COL28A1: variants seen among roughly 807,000 people sequenced by gnomAD.
COL28A1 encodes the protein collagen type XXVIII alpha 1 chain, also known as collagen alpha-1(XXVIII) chain.
Under a neutral mutation model 150.2 loss-of-function variants are expected in COL28A1, and 161 were observed. That is an observed-to-expected ratio of 1.07 (90% CI 0.94 to 1.22). The LOEUF (loss-of-function observed/expected upper bound fraction) is 1.22, where lower values mean the gene tolerates loss of function less well. Ranked by LOEUF, COL28A1 falls within the 50% of genes most tolerant of loss-of-function variation. The pLI is 0.00. For synonymous variants in COL28A1, 552 were observed against 469.7 expected, an observed-to-expected ratio of 1.18 and a Z score of -2.26; for missense variants, 1,617 against 1,388.3, an observed-to-expected ratio of 1.16 and a Z score of -2.62.
At chr7:7,447,276 C>T (rs1207118958) in intron 18 of COL28A1, among the ~76,000 whole-genome samples, 2 of 152,052 alleles carry the variant, frequency 1.3e-5, no homozygotes, top group African/African-American at 4.8e-5. Flanking sequence ...GTAAAATTCA[C>T]AATGTGGGGC....
chr7:7,491,899 G>T (rs1239206244), intron 11 of COL28A1, among the ~76,000 whole-genome samples: 1 of 152,098 alleles, frequency 6.6e-6, no homozygotes, highest in East Asian at 1.9e-4. Flanking sequence ...TAAAAAGCAT[G>T]CATGCAAAGA....
chr7:7,418,325 T>C (rs986108254), intron 26 of COL28A1, among the ~76,000 whole-genome samples: 4 of 152,186 alleles, frequency 2.6e-5, no homozygotes, highest in African/African-American at 7.2e-5. Flanking sequence ...CATTTCAATA[T>C]AAGGTGTGAT....
chr7:7,471,979 T>G (rs1788470743), intron 15 of COL28A1, among the ~76,000 whole-genome samples: 1 of 152,172 alleles, frequency 6.6e-6, no homozygotes, highest in Admixed American at 6.6e-5. Context: ...CATCCCTTTA[T>G]GATTAAAGCT....
chr7:7,427,756 G>A (rs1289020734), intron 25 of COL28A1, among the ~76,000 whole-genome samples: 1 of 152,114 alleles, frequency 6.6e-6, no homozygotes, highest in African/African-American at 2.4e-5. Flanking sequence ...TTTTGGGTTT[G>A]GGGTTTATGC....
intron 23 of COL28A1, among the ~76,000 whole-genome samples, chr7:7,434,300 G>T (rs998389150): frequency 6.6e-6 from 1 of 152,138 alleles, no homozygotes; most frequent in Non-Finnish European, 1.5e-5. Flanking sequence ...AGGTAAATTT[G>T]GGTGTATTCC....
Position 7,417,914 on chromosome 7 carries a change from T to C in COL28A1, c.2081A>G (p.Gln694Arg). ...GTQGPKGDTG[Q>R]KGLPGPPGPP... is the part of the protein sequence containing the mutation. ...GCCAGGAGGGCCAGGCAAGCCTTTC[T>C]GCCCAGTATCACCCTGTTAGAAGAT... The change falls in exon 27 of 35, where the codon CAG becomes CGG. Residue 694 changes from glutamine (Q) to arginine (R), a missense_variant. Gln to Arg is a conservative substitution (Grantham distance 43). Transcript: ENST00000399429. 6.2e-7 allele frequency: 1 copy of C among 1,612,982 alleles called. No individual in the cohort carries two copies. Among genetic ancestry groups the C allele is most frequent in the Non-Finnish European group, 8.5e-7 (1 of 1,179,490 alleles).
At chr7:7,431,429 A>T (rs1784964766) in intron 25 of COL28A1, 1 of 435,338 alleles carries the variant, frequency 2.3e-6, no homozygotes, top group Non-Finnish European at 4.8e-6. Context: ...TGGAAAACAT[A>T]CAGAGGGGTT....
intron 15 of COL28A1, among the ~76,000 whole-genome samples, chr7:7,462,490 G>A (rs940105430): frequency 2.0e-5 from 3 of 152,090 alleles, no homozygotes; most frequent in African/African-American, 4.8e-5. Context: ...GATACAAGAA[G>A]TGAAGGGAGA....
rs985365914 is a variant in COL28A1, at chr7:7,439,679, C to A, written c.1722+1111G>T. Among the ~76,000 whole-genome samples, 11 of 152,268 alleles carry A rather than the reference C, an allele frequency of 7.2e-5. No homozygotes were observed. In the East Asian group the frequency reaches 1.5e-3, roughly 21 times the overall value. On this transcript the variant is annotated intron_variant, in intron 21 of 34. Transcript: ENST00000399429. Reference sequence around the variant, plus strand: ...GAGTAACTAGGACATAAAGACTAATCTGTTATTAATACTAATACAACACAT... The same window carrying A: ...GAGTAACTAGGACATAAAGACTAATATGTTATTAATACTAATACAACACAT...
intron 15 of COL28A1, among the ~76,000 whole-genome samples, chr7:7,460,615 C>T (rs1787535746): frequency 6.6e-6 from 1 of 152,200 alleles, no homozygotes; most frequent in Non-Finnish European, 1.5e-5. Context: ...ATCTCCTGAC[C>T]TCGTGATCCG....
Position 7,520,150 on chromosome 7 carries a change from G to T in COL28A1, c.760-35C>A, listed in dbSNP as rs757888115. ...AAGGGAAAAAATATTATTTTAAGTA[G>T]GAATTCTATTGTTTTCTATACTTTA... On this transcript the variant is annotated intron_variant, in intron 5 of 34. Coordinates refer to ENST00000399429, the MANE Select transcript of COL28A1 (RefSeq NM_001037763.3). 8 of 947,408 alleles carry T rather than the reference G, an allele frequency of 8.4e-6. No individual in the cohort carries two copies. In the South Asian group the frequency reaches 1.1e-4, roughly 13 times the overall value. The allele number at this position is 947,408 out of a possible 1,614,324, so 58.7% of individuals were successfully genotyped here.
At chr7:7,536,587 G>A (rs936058463), upstream of COL28A1, among the ~76,000 whole-genome samples, 5 of 152,090 alleles carry the variant, frequency 3.3e-5, no homozygotes, top group Admixed American at 2.0e-4. Context: ...TTAAGTCAAT[G>A]TTTATCATGT....
At chr7:7,517,891 G>T in intron 6 of COL28A1, 54 bp from the exon 7 acceptor site, 1 of 1,605,368 alleles carries the variant, frequency 6.2e-7, no homozygotes, top group Non-Finnish European at 8.5e-7. Flanking sequence ...GTGACTGATT[G>T]CTCAATAAAA....
intron 25 of COL28A1, among the ~76,000 whole-genome samples, chr7:7,422,536 G>A (rs1784431471): frequency 6.6e-6 from 1 of 152,044 alleles, no homozygotes; most frequent in Non-Finnish European, 1.5e-5. Flanking sequence ...GGCTGAGGCG[G>A]GAGAATCACT....
chr7:7,477,181 C>A lies in COL28A1; in HGVS notation c.1165-1G>T. The stretch of plus-strand genomic sequence containing the variant: ...GTACTCCCTCAGGACCACGGGGACC[C>A]TGGTTAGGATAGGAGAAAATGAGGA... On this transcript the variant is annotated splice_acceptor_variant, in intron 13 of 34. Transcript: ENST00000399429. LOFTEE classifies it high-confidence loss of function. The A allele has an allele frequency of 8.4e-7, 1 of 1,188,668 alleles. No individual in the cohort carries two copies. Among genetic ancestry groups the A allele is most frequent in the Non-Finnish European group, 1.3e-6 (1 of 790,976 alleles). The allele number at this position is 1,188,668 out of a possible 1,614,324, so 73.6% of individuals were successfully genotyped here.
intron 8 of COL28A1, chr7:7,511,704 G>A (rs958534424): frequency 2.1e-6 from 1 of 470,142 alleles, no homozygotes; most frequent in Non-Finnish European, 4.4e-6. Flanking sequence ...AGGTTCTGAA[G>A]TGAGATTGCA....
At chr7:7,414,201 G>A (rs1420598818) in intron 27 of COL28A1, among the ~76,000 whole-genome samples, 1 of 152,212 alleles carries the variant, frequency 6.6e-6, no homozygotes, top group East Asian at 1.9e-4. Flanking sequence ...TCCAGGTCCA[G>A]ACCCATTCCT....
intron 27 of COL28A1, among the ~76,000 whole-genome samples, chr7:7,392,370 TG>T (rs1467635035): frequency 3.3e-5 from 5 of 152,342 alleles, no homozygotes; most frequent in Non-Finnish European, 4.4e-5. Context: ...CTTCCCTTTG[TG>T]GGTAACCTGA....
chr7:7,410,347 C>T (rs114979405), intron 27 of COL28A1, among the ~76,000 whole-genome samples: 2,093 of 152,324 alleles, frequency 0.014, 53 homozygotes, highest in African/African-American at 0.047. Context: ...ACACCCTCGA[C>T]CCCCTGCCAC....
Sources: gnomAD v4.1 joint callset for allele counts (sites outside exome capture counted in the v4.1 genomes callset) on GRCh38, gnomAD v4.1.1 for gene constraint, MANE v1.5 for transcripts, NCBI Gene and HGNC (gene_info 2026-07-23, HGNC 2026-07-21) for gene names.